The following GSDME variants were observed in gnomAD, a reference collection of about 807,000 sequenced individuals.
GSDME encodes the protein gasdermin E, also known as gasdermin-E.
Under a neutral mutation model 47.5 loss-of-function variants are expected in GSDME, and 44 were observed. The ratio of observed to expected loss-of-function variants is 0.93; its 90% confidence interval spans 0.73 to 1.19. The LOEUF (loss-of-function observed/expected upper bound fraction) is 1.19, where lower values mean the gene tolerates loss of function less well. Ranked by LOEUF, GSDME falls within the 50% of genes most tolerant of loss-of-function variation. The pLI is 0.00. For missense variants in GSDME, 663 were observed against 604.2 expected, an observed-to-expected ratio of 1.10 and a Z score of -1.02; for synonymous variants, 258 against 252.8, an observed-to-expected ratio of 1.02 and a Z score of -0.20.
At chr7:24,710,525 C>G (rs1789311712) in intron 5 of GSDME, 137 bp from the exon 6 acceptor site, 1 of 817,138 alleles carries the variant, frequency 1.2e-6, no homozygotes, top group South Asian at 1.5e-5. Context: ...CCATCTTCCC[C>G]ATAAAATTCG....
chr7:24,765,145 C>T, the GSDME span, among the ~76,000 whole-genome samples: 7 of 152,284 alleles, frequency 4.6e-5, no homozygotes, highest in East Asian at 7.7e-4. Context: ...CCGGGTAATG[C>T]TGGACCTCCT....
the GSDME span, among the ~76,000 whole-genome samples, chr7:24,790,051 G>C: frequency 6.6e-6 from 1 of 152,120 alleles, no homozygotes; most frequent in East Asian, 1.9e-4. This position sits in a 1 kb window ranked among gnomAD's most constrained non-coding sequence, Gnocchi z 4.1. Context: ...ACTTGCATGG[G>C]CACATGTGCC....
rs1024467849 is a variant in GSDME, at chr7:24,714,845, C to T, written c.697+2409G>A. Among the ~76,000 whole-genome samples the T allele has an allele frequency of 1.4e-4, 21 of 152,156 alleles. No homozygotes were observed. The highest frequency in any genetic ancestry group is 2.1e-4 in the Non-Finnish European group (14 of 68,024). On this transcript the variant is annotated intron_variant, in intron 5 of 9. Transcript: ENST00000645220. This position sits in a 1 kb window ranked among gnomAD's most constrained non-coding sequence, Gnocchi z 5.0. ...GAGTGGCAGCCCAGGCCTGGGTCCCCGCCACCGAAGGGTCCGCAGAGCACT... is the reference window on the plus strand; with the variant it reads ...GAGTGGCAGCCCAGGCCTGGGTCCCTGCCACCGAAGGGTCCGCAGAGCACT...
chr7:24,717,504 G>C (rs1316795752), intron 4 of GSDME, 130 bp from the exon 5 acceptor site: 16 of 1,434,208 alleles, frequency 1.1e-5, no homozygotes, highest in Non-Finnish European at 1.4e-5. Context: ...GAGTGGAACA[G>C]AGGAGCCAGC....
upstream of GSDME, chr7:24,757,513 C>T (rs2128069516): frequency 6.6e-6 from 1 of 151,972 alleles, no homozygotes; most frequent in African/African-American, 2.4e-5. This position sits in a 1 kb window ranked among gnomAD's most constrained non-coding sequence, Gnocchi z 5.9. Context: ...AGGGCCCGCC[C>T]GCCGGGACCT....
chr7:24,784,626 CTTTTTTTTTT>C, the GSDME span, among the ~76,000 whole-genome samples: 1 of 124,316 alleles, frequency 8.0e-6, no homozygotes, highest in Non-Finnish European at 1.7e-5. Context: ...TTTCTTCTTC[CTTTTTTTTTT>C]TTTTTTTTTT....
At chr7:24,787,662 T>G in the GSDME span, among the ~76,000 whole-genome samples, 1 of 152,224 alleles carries the variant, frequency 6.6e-6, no homozygotes, top group South Asian at 2.1e-4. The surrounding 1 kb of genome is among the most constrained non-coding windows in gnomAD (Gnocchi z 5.0). Context: ...AATAGTATCA[T>G]GGAGAACCAA....
At chr7:24,785,752 G>C in the GSDME span, among the ~76,000 whole-genome samples, 2 of 152,222 alleles carry the variant, frequency 1.3e-5, no homozygotes, top group Non-Finnish European at 2.9e-5. Flanking sequence ...ACCGTGCCCA[G>C]CCAATTCACT....
chr7:24,771,054 A>T, the GSDME span, among the ~76,000 whole-genome samples: 1 of 152,152 alleles, frequency 6.6e-6, no homozygotes, highest in Non-Finnish European at 1.5e-5. The surrounding 1 kb of genome is among the most constrained non-coding windows in gnomAD (Gnocchi z 4.1). Flanking sequence ...AATATCAGAG[A>T]ACACCAAGCA....
Position 24,754,418 on chromosome 7 carries a change from G to A in GSDME, c.-20+2978C>T, listed in dbSNP as rs1477459655. 1.3e-5 allele frequency among the ~76,000 whole-genome samples: 2 copies of A among 151,710 alleles called. No individual in the cohort carries two copies. The highest frequency in any genetic ancestry group is 2.9e-5 in the Non-Finnish European group (2 of 68,004). On this transcript the variant is annotated intron_variant, in intron 1 of 9. Coordinates refer to ENST00000645220, the MANE Select transcript of GSDME (RefSeq NM_001127453.2). This position sits in a 1 kb window ranked among gnomAD's most constrained non-coding sequence, Gnocchi z 5.0. ...GAGAATCACTTGAACCTGGGAGGCA[G>A]AGGTTGCAGTGAGCCAAGATCCTGC...
upstream of GSDME, chr7:24,757,504 G>A (rs999994997): frequency 6.6e-6 from 1 of 151,848 alleles, no homozygotes; most frequent in Admixed American, 6.6e-5. The surrounding 1 kb of genome is among the most constrained non-coding windows in gnomAD (Gnocchi z 5.9). Flanking sequence ...GGCGGAGAGA[G>A]GGCCCGCCCG....
rs1789385086 is a variant in GSDME, at chr7:24,712,252, T to C, written c.698-1864A>G. Among the ~76,000 whole-genome samples the C allele has an allele frequency of 6.6e-6, 1 of 152,064 alleles. No individual in the cohort carries two copies. On this transcript the variant is annotated intron_variant, in intron 5 of 9. Coordinates refer to ENST00000645220, the MANE Select transcript of GSDME (RefSeq NM_001127453.2). The surrounding 1 kb of genome is among the most constrained non-coding windows in gnomAD (Gnocchi z 4.4). The stretch of plus-strand genomic sequence containing the variant: ...GCGCTTAGCCACAGGGGTGCAGGAG[T>C]GTGAACCAGCACCTAGGTCATAACT...
Position 24,718,402 on chromosome 7 carries a change from T to G in GSDME, c.576+645A>C, listed in dbSNP as rs1321788609. On this transcript the variant is annotated intron_variant, in intron 4 of 9. Transcript: ENST00000645220. ...GGCTCACAGATCAGCTTGGTAAGAC[T>G]GTCAATAACTTAATCTAGAAGAATC... Among the ~76,000 whole-genome samples the G allele has an allele frequency of 2.6e-5, 4 of 152,226 alleles. No homozygotes were observed. In the East Asian group the frequency reaches 7.7e-4, roughly 29 times the overall value.
intron 3 of GSDME, 136 bp from the exon 4 acceptor site, chr7:24,719,354 G>A (rs1216483696): frequency 1.8e-5 from 17 of 955,742 alleles, no homozygotes; most frequent in South Asian, 4.2e-5. Context: ...CATGATGAAA[G>A]GGGTGGCAGG....
intron 3 of GSDME, among the ~76,000 whole-genome samples, chr7:24,730,202 C>T (rs1192705964): frequency 3.3e-5 from 5 of 152,218 alleles, no homozygotes; most frequent in African/African-American, 1.2e-4. Flanking sequence ...AACATCTGCT[C>T]ACCTGAATTC....
At position 24,718,935 on chromosome 7, in the gene GSDME, T is replaced by G. The variant is rs1217616180; in HGVS notation, c.576+112A>C. The stretch of plus-strand genomic sequence containing the variant: ...AAGACAACGTGAGTTGGGTTTCTGT[T>G]AACTTGCTACGGAAAGAGTCCTGAC... On this transcript the variant is annotated intron_variant, in intron 4 of 9. Transcript: ENST00000645220. 1.8e-5 allele frequency: 22 copies of G among 1,247,254 alleles called. No individual in the cohort carries two copies. The East Asian group carries it at 5.2e-4, about 29-fold the overall frequency. The allele number at this position is 1,247,254 out of a possible 1,614,324, so 77.3% of individuals were successfully genotyped here.
At chr7:24,718,546 C>T (rs1003396717) in intron 4 of GSDME, among the ~76,000 whole-genome samples, 1 of 152,232 alleles carries the variant, frequency 6.6e-6, no homozygotes, top group African/African-American at 2.4e-5. Flanking sequence ...GATTCTTTTG[C>T]ATTTGGCCTG....
At chr7:24,771,561 T>G in the GSDME span, among the ~76,000 whole-genome samples, 37 of 152,376 alleles carry the variant, frequency 2.4e-4, no homozygotes, top group African/African-American at 8.7e-4. This position sits in a 1 kb window ranked among gnomAD's most constrained non-coding sequence, Gnocchi z 4.1. Context: ...TGCCACTTAC[T>G]GGCTGTGTGA....
At chr7:24,719,993 T>A (rs1245537337) in intron 3 of GSDME, among the ~76,000 whole-genome samples, 1 of 152,130 alleles carries the variant, frequency 6.6e-6, no homozygotes, top group African/African-American at 2.4e-5. Context: ...AGGCCTAAAG[T>A]ATGAGTAGCA....
Sources: gnomAD v4.1 joint callset for allele counts (sites outside exome capture counted in the v4.1 genomes callset) on GRCh38, gnomAD v4.1.1 for gene constraint, Gnocchi (gnomAD v3.1) non-coding constraint, MANE v1.5 for transcripts, NCBI Gene and HGNC (gene_info 2026-07-23, HGNC 2026-07-21) for gene names.